The following FAM13A variants were observed in gnomAD, a reference collection of about 807,000 sequenced individuals.
FAM13A encodes the protein family with sequence similarity 13 member A, also known as protein FAM13A.
In FAM13A, 76 loss-of-function variants were observed where a neutral mutation model predicts 129.6. That is an observed-to-expected ratio of 0.59 (90% CI 0.49 to 0.71). The LOEUF (loss-of-function observed/expected upper bound fraction) is 0.71, where lower values mean the gene tolerates loss of function less well. Ranked by LOEUF, FAM13A falls within the 30% of genes least tolerant of loss-of-function variation. FAM13A has a pLI of 0.00. For synonymous variants in FAM13A, 443 were observed against 449.9 expected (o/e 0.98, Z 0.20); for missense variants, 1,108 against 1,249.3 (o/e 0.89, Z 1.70).
At chr4:88,743,110 A>C (rs1740594662) in intron 19 of FAM13A, among the ~76,000 whole-genome samples, 1 of 152,178 alleles carries the variant, frequency 6.6e-6, no homozygotes, top group African/African-American at 2.4e-5. Context: ...AGAAAGCAGC[A>C]CTTCCACTCC....
intron 6 of FAM13A, among the ~76,000 whole-genome samples, chr4:88,871,480 C>G (rs1741381571): frequency 6.6e-6 from 1 of 152,074 alleles, no homozygotes; most frequent in Non-Finnish European, 1.5e-5. Context: ...AACCATGGCA[C>G]AAGAACTATG....
chr4:89,042,289 C>A (rs1403693867), intron 1 of FAM13A, among the ~76,000 whole-genome samples: 1 of 152,006 alleles, frequency 6.6e-6, no homozygotes, highest in Non-Finnish European at 1.5e-5. Context: ...GGACTTGTAG[C>A]CTGATGACAT....
At chr4:88,903,845 C>A (rs1044406134) in intron 6 of FAM13A, among the ~76,000 whole-genome samples, 3 of 152,086 alleles carry the variant, frequency 2.0e-5, no homozygotes, top group Non-Finnish European at 4.4e-5. Context: ...ACACAACCTG[C>A]AGAACGGGAG....
rs1264654038 is a variant in FAM13A, at chr4:89,029,657, G to A, written c.28-8C>T. The A allele has an allele frequency of 4.5e-6, 7 of 1,568,918 alleles. No homozygotes were observed. The Middle Eastern group carries it at 5.0e-4, about 113-fold the overall frequency. ...AACCGCTGCTTTACTTTGCTTAAAG[G>A]AGCGTAAGAAAAAAGAGCAGTCAGT... On this transcript the variant is annotated splice_polypyrimidine_tract_variant and splice_region_variant and intron_variant, in intron 1 of 23. Coordinates refer to ENST00000264344, the MANE Select transcript of FAM13A (RefSeq NM_014883.4).
intron 11 of FAM13A, among the ~76,000 whole-genome samples, chr4:88,769,531 A>AT (rs1389871538): frequency 2.0e-5 from 3 of 152,120 alleles, no homozygotes; most frequent in African/African-American, 7.2e-5. Context: ...AAATAAAATG[A>AT]TATGTAAAGT....
chr4:89,022,692 A>G (rs1767430932), intron 2 of FAM13A, among the ~76,000 whole-genome samples: 1 of 152,158 alleles, frequency 6.6e-6, no homozygotes, highest in African/African-American at 2.4e-5. Context: ...ATGTGATGTC[A>G]TGTCATATTT....
chr4:88,875,161 A>C (rs1742172140), intron 6 of FAM13A, among the ~76,000 whole-genome samples: 1 of 152,204 alleles, frequency 6.6e-6, no homozygotes, highest in Admixed American at 6.5e-5. Context: ...TAAAGACTTA[A>C]ATGTTAGACC....
intron 4 of FAM13A, among the ~76,000 whole-genome samples, chr4:88,946,401 CTTTTTT>C (rs3067813): frequency 1.9e-4 from 17 of 91,716 alleles, no homozygotes; most frequent in South Asian, 4.2e-4. Context: ...CTCCCGCGTT[CTTTTTT>C]TTTTTTTTTT....
At chr4:88,878,540 A>G (rs1194894232) in intron 6 of FAM13A, among the ~76,000 whole-genome samples, 1 of 152,164 alleles carries the variant, frequency 6.6e-6, no homozygotes, top group Non-Finnish European at 1.5e-5. Flanking sequence ...AAGGAGTCAA[A>G]AAACTATATT....
At chr4:88,836,174 G>A (rs1734769802) in intron 7 of FAM13A, among the ~76,000 whole-genome samples, 1 of 152,090 alleles carries the variant, frequency 6.6e-6, no homozygotes, top group Admixed American at 6.5e-5. Context: ...AGGACAATGT[G>A]AATGTACTTA....
intron 2 of FAM13A, among the ~76,000 whole-genome samples, chr4:89,028,421 G>T (rs1020889329): frequency 6.6e-6 from 1 of 151,838 alleles, no homozygotes; most frequent in Admixed American, 6.6e-5. Context: ...CATGGCTCAT[G>T]CCTATAATCC....
At chr4:88,758,721 A>G (rs1187454338) in intron 14 of FAM13A, 33 bp downstream of exon 14, 2 of 1,595,924 alleles carry the variant, frequency 1.3e-6, no homozygotes, top group Non-Finnish European at 1.7e-6. Flanking sequence ...TGCTTTAATG[A>G]TAGCAAATCA....
At chr4:88,981,768 G>A (rs1274364016) in intron 4 of FAM13A, among the ~76,000 whole-genome samples, 1 of 152,170 alleles carries the variant, frequency 6.6e-6, no homozygotes, top group Non-Finnish European at 1.5e-5. Flanking sequence ...TGCTTTGCTT[G>A]GCAGTCTGGA....
chr4:88,754,625 C>T (rs1743265031), intron 14 of FAM13A, among the ~76,000 whole-genome samples: 1 of 152,120 alleles, frequency 6.6e-6, no homozygotes, highest in African/African-American at 2.4e-5. Flanking sequence ...AAGATGTAAG[C>T]CTCATGGTGG....
intron 5 of FAM13A, among the ~76,000 whole-genome samples, chr4:88,923,321 G>C (rs1282638854): frequency 1.3e-5 from 2 of 152,142 alleles, no homozygotes; most frequent in Non-Finnish European, 2.9e-5. Context: ...CTGGCAAACC[G>C]AATTCAGCAG....
rs1041910167 is a variant in FAM13A at position 88,726,931 on chromosome 4, C to T, written c.*1602G>A. 1 of 152,592 alleles carries T rather than the reference C, an allele frequency of 6.6e-6. No homozygotes were observed. The highest frequency in any genetic ancestry group is 1.5e-5 in the Non-Finnish European group (1 of 68,054). 9.5% of individuals were successfully genotyped at this position (152,592 alleles called of 1,614,324 possible). A position where few individuals can be genotyped will look rare whatever the true frequency, so the allele number is the denominator to read the frequency against. On this transcript the variant is annotated 3_prime_UTR_variant, in exon 24 of 24. Coordinates refer to ENST00000264344, the MANE Select transcript of FAM13A (RefSeq NM_014883.4). Reference sequence around the variant, plus strand: ...AGGCATTCTTTTTCCCCATCCTTAACATTCAGCTGACAGAAGAGAGCTGCT... The same window carrying T: ...AGGCATTCTTTTTCCCCATCCTTAATATTCAGCTGACAGAAGAGAGCTGCT...
intron 8 of FAM13A, among the ~76,000 whole-genome samples, chr4:88,802,463 G>C (rs1727673546): frequency 6.6e-6 from 1 of 151,804 alleles, no homozygotes; most frequent in Non-Finnish European, 1.5e-5. Context: ...AGTTATCACA[G>C]AAGATATTTG....
At position 89,020,562 on chromosome 4, in the gene FAM13A, C is replaced by T. The variant is rs1049569330; in HGVS notation, c.325G>A (p.Asp109Asn). 5.0e-6 allele frequency: 8 copies of T among 1,614,098 alleles called. No homozygotes were observed. In the East Asian group the frequency reaches 1.3e-4, roughly 27 times the overall value. Residue 109 changes from aspartate to asparagine, a missense_variant, in exon 3 of 24, where the codon GAT (aspartate) becomes AAT (asparagine). Physicochemically the swap from Asp to Asn is conservative, Grantham distance 23. Transcript: ENST00000264344. ...GVPVELGKDG[D>N]VCSAASLLKL... ...AACAGACTGGCTGCTGAGCAGACAT[C>T]ACCGTCCTTCCCGAGCTCCACGGGC...
intron 6 of FAM13A, among the ~76,000 whole-genome samples, chr4:88,885,032 C>T (rs1744184252): frequency 6.6e-6 from 1 of 152,166 alleles, no homozygotes; most frequent in Non-Finnish European, 1.5e-5. Flanking sequence ...ACATCCTCTT[C>T]TCTTGGATAG....
Sources: allele counts gnomAD v4.1 joint callset (sites outside exome capture counted in the v4.1 genomes callset), GRCh38; gene constraint gnomAD v4.1.1; transcripts MANE v1.5; gene names NCBI Gene and HGNC (gene_info 2026-07-23, HGNC 2026-07-21).